The following MCOLN2 variants were observed in gnomAD, a reference collection of about 807,000 sequenced individuals.
MCOLN2 encodes mucolipin-2.
A neutral mutation model predicts 67.5 loss-of-function variants in MCOLN2; 57 were observed. The observed-to-expected ratio is 0.84, with a 90% CI of 0.68 to 1.05. The LOEUF is 1.05. Among genes scored for constraint, MCOLN2 ranks in the 50% least tolerant of loss-of-function variants. MCOLN2 has a pLI of 0.00. For synonymous variants in MCOLN2, 246 were observed against 233.3 expected (o/e 1.05, Z -0.50); for missense variants, 620 against 678.8 (o/e 0.91, Z 0.96).
chr1:84,986,744 A>C (rs1211285882), intron 1 of MCOLN2, among the ~76,000 whole-genome samples: 1 of 152,170 alleles, frequency 6.6e-6, no homozygotes, highest in African/African-American at 2.4e-5. Context: ...AATTCTCAAA[A>C]GAAGATATAC....
intron 11 of MCOLN2, among the ~76,000 whole-genome samples, chr1:84,937,039 A>G (rs1260805909): frequency 6.6e-6 from 1 of 152,234 alleles, no homozygotes; most frequent in African/African-American, 2.4e-5. Context: ...CAACTGCCAC[A>G]GGCCCAAATG....
At position 84,996,879 on chromosome 1, in the gene MCOLN2, T is replaced by C. The variant is rs1344494794; in HGVS notation, c.-7A>G. ...GATAAGGCTGCCGGGCCATGCCTCC[T>C]CCTTCAAAACTTTCCAGGGCTCTCG... is the stretch of plus-strand genomic sequence containing the variant. On this transcript the variant is annotated 5_prime_UTR_variant, in exon 1 of 14. Transcript: ENST00000370608. 6.2e-7 allele frequency: 1 copy of C among 1,613,784 alleles called. No homozygotes were observed. The highest frequency in any genetic ancestry group is 1.1e-5 in the South Asian group (1 of 91,058).
At position 84,929,537 on chromosome 1, in the gene MCOLN2, G is replaced by C. The variant is rs759877747; in HGVS notation, c.1664+21C>G. On this transcript the variant is annotated intron_variant, in intron 13 of 13. Transcript: ENST00000370608. ...CAGAACAGCCCATCTCAGGAGCATGGAGAATAAACATGATACTGACCTCCT... is the reference window on the plus strand; with the variant it reads ...CAGAACAGCCCATCTCAGGAGCATGCAGAATAAACATGATACTGACCTCCT... 3 of 1,591,994 alleles carry C rather than the reference G, an allele frequency of 1.9e-6. No homozygotes were observed. The African/African-American group carries it at 4.0e-5, about 21-fold the overall frequency.
intron 4 of MCOLN2, among the ~76,000 whole-genome samples, chr1:84,952,958 A>C (rs1266298055): frequency 6.6e-6 from 1 of 152,264 alleles, no homozygotes; most frequent in East Asian, 1.9e-4. Context: ...TAGACTGAAA[A>C]GACATAACAT....
chr1:84,982,983 G>A (rs574338015), intron 1 of MCOLN2, among the ~76,000 whole-genome samples: 76 of 152,136 alleles, frequency 5.0e-4, no homozygotes, highest in African/African-American at 1.8e-3. Context: ...CTCCCAAAGT[G>A]TTGGGATTAC....
chr1:84,944,861 C>T (rs666779), intron 7 of MCOLN2, among the ~76,000 whole-genome samples: 33,593 of 152,068 alleles, frequency 0.22, 3,879 homozygotes, highest in South Asian at 0.29. Context: ...CACCAGATGT[C>T]GCCCTTGTCC....
At chr1:84,936,947 A>G (rs1647465619) in intron 11 of MCOLN2, among the ~76,000 whole-genome samples, 1 of 152,226 alleles carries the variant, frequency 6.6e-6, no homozygotes, top group Admixed American at 6.5e-5. Context: ...TAAATAAGAA[A>G]GAACACCGAA....
intron 1 of MCOLN2, among the ~76,000 whole-genome samples, chr1:84,994,268 T>C (rs989994496): frequency 2.0e-5 from 3 of 152,212 alleles, no homozygotes; most frequent in African/African-American, 7.2e-5. Context: ...GAGCACTGGC[T>C]TCAACTTAAA....
chr1:84,966,023 C>T lies in MCOLN2; in HGVS notation c.78-315G>A, dbSNP rs182038109. ...ATCCCAGCACTTTGGGAGACCGAGGCGGGTGGATCATTTGAGGTCATGAGT... is the reference window on the plus strand; with the variant it reads ...ATCCCAGCACTTTGGGAGACCGAGGTGGGTGGATCATTTGAGGTCATGAGT... On this transcript the variant is annotated intron_variant, in intron 1 of 13. Transcript: ENST00000370608. Among the ~76,000 whole-genome samples, 11 of 152,178 alleles carry T rather than the reference C, an allele frequency of 7.2e-5. No homozygotes were observed. In the East Asian group the frequency reaches 1.5e-3, roughly 21 times the overall value.
Position 84,939,566 on chromosome 1 carries a change from T to G in MCOLN2, c.1097A>C (p.Glu366Ala), listed in dbSNP as rs1238105187. 6.2e-7 allele frequency: 1 copy of G among 1,613,888 alleles called. No individual in the cohort carries two copies. Among genetic ancestry groups the G allele is most frequent in the East Asian group, 2.2e-5 (1 of 44,868 alleles). The part of the protein sequence containing the change: ...MTIIGSILKM[E>A]IKAKNLTNYD... The stretch of plus-strand genomic sequence containing the variant: ...GGCTTCCCTCACCTTTGCTTTGATT[T>G]CCATTTTTAATATGGAGCCAATGAT... Residue 366 changes from glutamate to alanine, a missense_variant, in exon 9 of 14, where the codon GAA becomes GCA. Glu to Ala is a moderately radical substitution (Grantham distance 107). Coordinates refer to ENST00000370608, the MANE Select transcript of MCOLN2 (RefSeq NM_153259.4).
chr1:84,961,263 C>T (rs1427795777), intron 2 of MCOLN2, among the ~76,000 whole-genome samples: 2 of 152,112 alleles, frequency 1.3e-5, no homozygotes, highest in Admixed American at 6.6e-5. Context: ...AACTGAAATG[C>T]TGCCAATTTA....
In MCOLN2 at chr1:84,940,918, C is replaced by A. The variant is rs199554091; in HGVS notation, c.921G>T (p.Leu307=). 6.2e-7 allele frequency: 1 copy of A among 1,613,508 alleles called. No homozygotes were observed. Among genetic ancestry groups the A allele is most frequent in the South Asian group, 1.1e-5 (1 of 90,984 alleles). ...GAGCAAGAACAATGGATCTTGTACA[C>A]AGAATAAGAGATGCCAAGCAAATCA... ...VIVICLASLI[L]CTRSIVLALR... is the part of the protein sequence containing the mutation. The change falls in exon 8 of 14, where the codon CTG becomes CTT. Residue 307 remains leucine, a synonymous_variant. Transcript: ENST00000370608.
At chr1:84,929,918 G>T in intron 12 of MCOLN2, 1 of 298,958 alleles carries the variant, frequency 3.3e-6, no homozygotes, top group Non-Finnish European at 6.1e-6. Flanking sequence ...AGAAGAGCCA[G>T]GGAGAGGTTT....
chr1:84,949,563 C>T lies in MCOLN2; in HGVS notation c.748-2431G>A, dbSNP rs371914608. Among the ~76,000 whole-genome samples the T allele has an allele frequency of 1.7e-4, 26 of 152,182 alleles. No individual in the cohort carries two copies. In the South Asian group the frequency reaches 2.3e-3, roughly 13 times the overall value. ...GGCTGAGGCAGGAGAATGGCGTGAA[C>T]CTGGGAGGCAGAGCTTGCAGTGAGC... On this transcript the variant is annotated intron_variant, in intron 6 of 13. Coordinates refer to ENST00000370608, the MANE Select transcript of MCOLN2 (RefSeq NM_153259.4).
chr1:84,964,695 A>G (rs1446352531), intron 2 of MCOLN2, among the ~76,000 whole-genome samples: 1 of 152,180 alleles, frequency 6.6e-6, no homozygotes, highest in East Asian at 1.9e-4. Context: ...AGAAGGTCCC[A>G]TCTAGGGGTG....
At position 84,930,392 on chromosome 1, in the gene MCOLN2, T is replaced by C. The variant is rs887053560; in HGVS notation, c.1543-713A>G. On this transcript the variant is annotated intron_variant, in intron 12 of 13. Coordinates refer to ENST00000370608, the MANE Select transcript of MCOLN2 (RefSeq NM_153259.4). ...GTAATCATTATTTCCTCTACTTTTA[T>C]GGAAGTTGGTCGCTTAGTGGAACAG... Among the ~76,000 whole-genome samples the C allele has an allele frequency of 9.2e-5, 14 of 152,248 alleles. No individual in the cohort carries two copies. In the South Asian group the frequency reaches 2.3e-3, roughly 25 times the overall value.
intron 2 of MCOLN2, among the ~76,000 whole-genome samples, chr1:84,963,538 C>T (rs943784540): frequency 7.9e-5 from 12 of 152,110 alleles, no homozygotes; most frequent in African/African-American, 2.7e-4. Flanking sequence ...AATCTCAAGT[C>T]GAATTGTAAT....
At chr1:84,994,091 A>G (rs1403318331) in intron 1 of MCOLN2, among the ~76,000 whole-genome samples, 1 of 152,232 alleles carries the variant, frequency 6.6e-6, no homozygotes, top group East Asian at 1.9e-4. Flanking sequence ...TTTTGAAAGA[A>G]ATCTTTTTTT....
At chr1:84,991,569 A>T (rs913344233) in intron 1 of MCOLN2, among the ~76,000 whole-genome samples, 1 of 152,192 alleles carries the variant, frequency 6.6e-6, no homozygotes, top group African/African-American at 2.4e-5. Context: ...AACATAAATG[A>T]CATGGTCATT....
Sources: allele counts gnomAD v4.1 joint callset (sites outside exome capture counted in the v4.1 genomes callset), GRCh38; gene constraint gnomAD v4.1.1; transcripts MANE v1.5; gene names NCBI Gene and HGNC (gene_info 2026-07-23, HGNC 2026-07-21).